The following PACS1 variants were observed in gnomAD, a reference collection of about 807,000 sequenced individuals.
The protein encoded by PACS1 is phosphofurin acidic cluster sorting protein 1.
Under a neutral mutation model 115.0 loss-of-function variants are expected in PACS1, and 24 were observed. The ratio of observed to expected loss-of-function variants is 0.21; its 90% CI spans 0.15 to 0.29. The LOEUF (loss-of-function observed/expected upper bound fraction) is 0.29. Ranked by LOEUF, PACS1 falls within the 10% of genes least tolerant of loss-of-function variation. PACS1 has a pLI of 1.00. For synonymous variants in PACS1, 453 were observed against 504.5 expected (o/e 0.90, Z 1.37); for missense variants, 838 against 1,251.2 (o/e 0.67, Z 4.98).
At chr11:66,078,890 T>C (rs1261620008) in intron 1 of PACS1, among the ~76,000 whole-genome samples, 7 of 152,156 alleles carry the variant, frequency 4.6e-5, no homozygotes, top group Non-Finnish European at 8.8e-5. Context: ...GGAAGGCGTT[T>C]TTTCTTTTCA....
At chr11:66,095,221 A>G (rs1857752893) in intron 1 of PACS1, among the ~76,000 whole-genome samples, 2 of 151,666 alleles carry the variant, frequency 1.3e-5, no homozygotes, top group Admixed American at 6.6e-5. Flanking sequence ...AGAAGGAAAT[A>G]AAGGGTATTC....
intron 1 of PACS1, among the ~76,000 whole-genome samples, chr11:66,134,293 G>A (rs1413121710): frequency 2.9e-5 from 3 of 104,184 alleles, no homozygotes; most frequent in Admixed American, 1.5e-4. Flanking sequence ...ACGGAGTCTC[G>A]CTCTGTCCCC....
intron 2 of PACS1, among the ~76,000 whole-genome samples, chr11:66,194,558 T>C (rs1325952613): frequency 6.6e-6 from 1 of 152,118 alleles, no homozygotes; most frequent in African/African-American, 2.4e-5. Flanking sequence ...AGTGGGTAAT[T>C]TGTGTGCTCA....
intron 4 of PACS1, among the ~76,000 whole-genome samples, chr11:66,215,557 A>G (rs1855181110): frequency 6.6e-6 from 1 of 151,788 alleles, no homozygotes; most frequent in Admixed American, 6.6e-5. Context: ...CTGTGATCAC[A>G]CCAGTGCGTG....
At chr11:66,168,752 A>ATGTG (rs34140940) in intron 1 of PACS1, among the ~76,000 whole-genome samples, 2,471 of 99,178 alleles carry the variant, frequency 0.025, 216 homozygotes, top group African/African-American at 0.067. Context: ...ATATATATAT[A>ATGTG]TGTGTGTGTG....
chr11:66,131,697 G>A (rs1165709020), intron 1 of PACS1, among the ~76,000 whole-genome samples: 1 of 152,008 alleles, frequency 6.6e-6, no homozygotes, highest in Non-Finnish European at 1.5e-5. Context: ...GGAGGCCAAG[G>A]TGGAAGGATT....
In PACS1 at chr11:66,077,222, GC is replaced by G. The variant is rs758106530; in HGVS notation, c.356+6381del. On this transcript the variant is annotated intron_variant, in intron 1 of 23. Coordinates refer to ENST00000320580, the MANE Select transcript of PACS1 (RefSeq NM_018026.4). ...CTTGGGAATCGCAGTAGAACAGACA[GC>G]TAACCAATGAAACACATCTAGAAAA... Among the ~76,000 whole-genome samples the G allele has an allele frequency of 3.7e-4, 56 of 152,298 alleles. No individual in the cohort carries two copies. In the East Asian group the frequency reaches 0.01, roughly 28 times the overall value.
At chr11:66,138,261 A>T (rs1055489874) in intron 1 of PACS1, among the ~76,000 whole-genome samples, 3 of 151,634 alleles carry the variant, frequency 2.0e-5, no homozygotes, top group African/African-American at 7.3e-5. Context: ...CCAGGTAATT[A>T]AAAAAAATTT....
intron 7 of PACS1, chr11:66,217,068 C>T (rs1023385432): frequency 9.7e-6 from 4 of 411,578 alleles, no homozygotes; most frequent in African/African-American, 2.0e-5. Context: ...GGGAACAGAC[C>T]GCCTCCCACC....
At position 66,236,353 on chromosome 11, in the gene PACS1, C is replaced by T. The variant is rs901491297; in HGVS notation, c.2250+413C>T. ...AGGCCCTGACCTCGCTGCCTTCACC[C>T]GGGGAGTGATGTCCAGACGTGGCTC... On this transcript the variant is annotated intron_variant, in intron 19 of 23. Transcript: ENST00000320580. The surrounding 1 kb of genome is among the most constrained non-coding windows in gnomAD (Gnocchi z 4.2). 1.3e-5 allele frequency among the ~76,000 whole-genome samples: 2 copies of T among 152,196 alleles called. No homozygotes were observed. Among genetic ancestry groups the T allele is most frequent in the African/African-American group, 2.4e-5 (1 of 41,438 alleles).
intron 1 of PACS1, among the ~76,000 whole-genome samples, chr11:66,078,251 A>G (rs924274945): frequency 1.3e-5 from 2 of 152,306 alleles, no homozygotes; most frequent in East Asian, 3.9e-4. Flanking sequence ...TGCGTCTTAG[A>G]AATTGTGATG....
At position 66,243,307 on chromosome 11, in the gene PACS1, C is replaced by T; in HGVS notation, c.*27C>T. 6.8e-7 allele frequency: 1 copy of T among 1,461,294 alleles called. No homozygotes were observed. The highest frequency in any genetic ancestry group is 9.4e-7 in the Non-Finnish European group (1 of 1,065,900). The allele number at this position is 1,461,294 out of a possible 1,614,324, so 90.5% of individuals were successfully genotyped here. A position where few individuals can be genotyped will look rare whatever the true frequency, so the allele number is the denominator to read the frequency against. Reference sequence around the variant, plus strand: ...GCCCTGTCTCCCAGCCACTTTCCCTCCTGGCACTGCCACCAGCCTCACCGC... The same window carrying T: ...GCCCTGTCTCCCAGCCACTTTCCCTTCTGGCACTGCCACCAGCCTCACCGC... On this transcript the variant is annotated 3_prime_UTR_variant, in exon 24 of 24. Coordinates refer to ENST00000320580, the MANE Select transcript of PACS1 (RefSeq NM_018026.4).
At chr11:66,179,779 C>G (rs921319988) in intron 1 of PACS1, among the ~76,000 whole-genome samples, 2 of 152,064 alleles carry the variant, frequency 1.3e-5, no homozygotes, top group Non-Finnish European at 2.9e-5. Flanking sequence ...CTTTAAGTGC[C>G]CTTTAACAGT....
rs1339748225 is a variant in PACS1 at position 66,235,804 on chromosome 11, T to C, written c.2208-94T>C. ...AGAGGCAGCCCAGCATCCTGGACTCTGCTGCAGCCACAGTGAGATAGGAAA... is the reference window on the plus strand; with the variant it reads ...AGAGGCAGCCCAGCATCCTGGACTCCGCTGCAGCCACAGTGAGATAGGAAA... On this transcript the variant is annotated intron_variant, in intron 18 of 23. Transcript: ENST00000320580. This position sits in a 1 kb window ranked among gnomAD's most constrained non-coding sequence, Gnocchi z 5.6. 33 of 1,074,368 alleles carry C rather than the reference T, an allele frequency of 3.1e-5. No homozygotes were observed. The highest frequency in any genetic ancestry group is 4.8e-5 in the Non-Finnish European group (33 of 688,154). 66.6% of individuals were successfully genotyped at this position (1,074,368 alleles called of 1,614,324 possible).
chr11:66,166,769 T>C (rs576853476), intron 1 of PACS1, among the ~76,000 whole-genome samples: 3 of 150,566 alleles, frequency 2.0e-5, no homozygotes, highest in East Asian at 1.9e-4. Flanking sequence ...GTGCAAATAT[T>C]GTCTAGTATA....
chr11:66,139,111 T>C (rs1858917377), intron 1 of PACS1, among the ~76,000 whole-genome samples: 1 of 152,214 alleles, frequency 6.6e-6, no homozygotes, highest in African/African-American at 2.4e-5. Context: ...GCTTGCAACC[T>C]GAAAACATCA....
intron 1 of PACS1, among the ~76,000 whole-genome samples, chr11:66,083,586 G>A (rs1187301786): frequency 1.3e-5 from 2 of 152,188 alleles, no homozygotes; most frequent in African/African-American, 2.4e-5. Context: ...CAAGTGATAT[G>A]TTTACTTAGG....
At position 66,089,851 on chromosome 11, in the gene PACS1, A is replaced by C. The variant is rs560424202; in HGVS notation, c.356+19009A>C. 1.2e-3 allele frequency among the ~76,000 whole-genome samples: 185 copies of C among 151,936 alleles called. 1 individual carries two copies. Among genetic ancestry groups the C allele is most frequent in the Non-Finnish European group, 2.2e-3 (148 of 67,928 alleles). ...GAAACCCCGTCTCTACTAAAAATAC[A>C]AAAAATTAGCTGGGTGTGGTGGCGG... On this transcript the variant is annotated intron_variant, in intron 1 of 23. Transcript: ENST00000320580.
chr11:66,206,188 ATAATAT>A (rs974528575), intron 2 of PACS1, among the ~76,000 whole-genome samples: 3 of 152,322 alleles, frequency 2.0e-5, no homozygotes, highest in Admixed American at 6.5e-5. Context: ...AATTTTTAAA[ATAATAT>A]TAATATTGGA....
Sources: allele counts gnomAD v4.1 joint callset (sites outside exome capture counted in the v4.1 genomes callset), GRCh38; gene constraint gnomAD v4.1.1; non-coding constraint Gnocchi (gnomAD v3.1); transcripts MANE v1.5; gene names NCBI Gene and HGNC (gene_info 2026-07-23, HGNC 2026-07-21).